Variants in ZFR observed in about 807,000 individuals in gnomAD.
ZFR encodes zinc finger RNA-binding protein.
ZFR carries 19 observed loss-of-function variants against 130.7 expected under a neutral mutation model. That is an observed-to-expected ratio of 0.15 (90% CI 0.10 to 0.21). The LOEUF (loss-of-function observed/expected upper bound fraction) is 0.21. ZFR is among the 10% of genes least tolerant of loss of function. The pLI is 1.00. For missense variants in ZFR, 872 were observed against 1,321.5 expected, an observed-to-expected ratio of 0.66 and a Z score of 5.27; for synonymous variants, 466 against 456.9, an observed-to-expected ratio of 1.02 and a Z score of -0.25.
At chr5:32,432,342 A>G (rs1170633755) in intron 2 of ZFR, among the ~76,000 whole-genome samples, 1 of 152,144 alleles carries the variant, frequency 6.6e-6, no homozygotes, top group Non-Finnish European at 1.5e-5. Context: ...AATGTAGGTA[A>G]TAGCTCACTA....
chr5:32,431,464 T>C (rs900574033), intron 2 of ZFR, among the ~76,000 whole-genome samples: 1 of 152,218 alleles, frequency 6.6e-6, no homozygotes, highest in African/African-American at 2.4e-5. Flanking sequence ...TCTGCAGTTA[T>C]AAAGAATGAA....
intron 6 of ZFR, among the ~76,000 whole-genome samples, chr5:32,405,800 A>G (rs1423808331): frequency 6.6e-6 from 1 of 152,126 alleles, no homozygotes; most frequent in African/African-American, 2.4e-5. Flanking sequence ...TTCCTGCCAT[A>G]CTCAAAACAG....
In ZFR at chr5:32,355,908, A is replaced by G. The variant is rs1240511904; in HGVS notation, c.3077T>C (p.Ile1026Thr). 1.9e-6 allele frequency: 3 copies of G among 1,596,458 alleles called. No homozygotes were observed. The highest frequency in any genetic ancestry group is 1.7e-6 in the Non-Finnish European group (2 of 1,174,832). ...FALRLLAFRQ[I>T]HKVLGMDPLP... ...TGGATCCATGCCTAGAACTTTGTGT[A>G]TCTGGCGGAATGCAAGGAGTCTCAA... Residue 1026 changes from isoleucine (I) to threonine (T), a missense_variant, in exon 20 of 20, where the codon ATA (isoleucine) becomes ACA (threonine). Ile to Thr is a moderately conservative substitution (Grantham distance 89). This residue lies in a region of ZFR where 158 missense variants were observed against 264.0 expected (regional missense o/e 0.60). Coordinates refer to ENST00000265069, the MANE Select transcript of ZFR (RefSeq NM_016107.5).
Position 32,400,586 on chromosome 5 carries a change from G to A in ZFR, c.1517-383C>T, listed in dbSNP as rs183307258. 7.9e-5 allele frequency among the ~76,000 whole-genome samples: 12 copies of A among 152,298 alleles called. No homozygotes were observed. In the East Asian group the frequency reaches 1.9e-3, roughly 25 times the overall value. On this transcript the variant is annotated intron_variant, in intron 8 of 19. Transcript: ENST00000265069. ...CTTCCAGTTGGGTGTGATGGCTTATGCCCTATGATCCCAGCACTGTGGGAG... is the reference window on the plus strand; with the variant it reads ...CTTCCAGTTGGGTGTGATGGCTTATACCCTATGATCCCAGCACTGTGGGAG...
At chr5:32,403,676 C>T (rs1010343400) in intron 7 of ZFR, among the ~76,000 whole-genome samples, 3 of 152,068 alleles carry the variant, frequency 2.0e-5, no homozygotes, top group African/African-American at 7.2e-5. Context: ...CATGACAATT[C>T]CCAGTTAGTG....
chr5:32,381,566 T>C (rs780421269), intron 15 of ZFR, among the ~76,000 whole-genome samples: 7 of 152,166 alleles, frequency 4.6e-5, no homozygotes, highest in African/African-American at 7.2e-5. Context: ...AAAAGTTAAT[T>C]ATCTTAAGAG....
At chr5:32,397,725 G>A (rs1277703905) in intron 9 of ZFR, among the ~76,000 whole-genome samples, 2 of 152,112 alleles carry the variant, frequency 1.3e-5, no homozygotes, top group Admixed American at 6.6e-5. Flanking sequence ...AAAGTGCTGG[G>A]ATTACAGGCA....
chr5:32,398,710 A>AATC (rs1380285506), intron 9 of ZFR, among the ~76,000 whole-genome samples: 1 of 152,044 alleles, frequency 6.6e-6, no homozygotes, highest in African/African-American at 2.4e-5. Flanking sequence ...TTTGTGAGAC[A>AATC]GAGTCTCACT....
intron 15 of ZFR, 136 bp from the exon 16 acceptor site, chr5:32,380,308 T>G: frequency 1.9e-6 from 1 of 538,744 alleles, no homozygotes; most frequent in Non-Finnish European, 3.4e-6. Flanking sequence ...TCCACGGAGT[T>G]ATTTTCAATA....
intron 2 of ZFR, among the ~76,000 whole-genome samples, chr5:32,436,274 G>A (rs865942581): frequency 2.8e-5 from 4 of 143,634 alleles, no homozygotes; most frequent in African/African-American, 1.0e-4. Flanking sequence ...TCGGCCTCCC[G>A]AGTAGCTGGG....
intron 6 of ZFR, among the ~76,000 whole-genome samples, chr5:32,406,483 C>T (rs79922789): frequency 0.034 from 5,208 of 152,138 alleles, 110 homozygotes; most frequent in Middle Eastern, 0.075. Flanking sequence ...TTACCCAAGT[C>T]GCAATTAATT....
At chr5:32,399,948 C>T (rs1357707040) in intron 9 of ZFR, 59 bp downstream of exon 9, 4 of 1,416,948 alleles carry the variant, frequency 2.8e-6, no homozygotes, top group South Asian at 1.4e-5. Context: ...AACATATGCT[C>T]GTAATGCACT....
intron 12 of ZFR, among the ~76,000 whole-genome samples, chr5:32,389,031 G>C (rs1455488943): frequency 6.6e-6 from 1 of 152,234 alleles, no homozygotes; most frequent in Non-Finnish European, 1.5e-5. Context: ...TCTGAGCAAA[G>C]ATAAATGAGA....
rs540076705 is a variant in ZFR, at chr5:32,403,751, T to C, written c.1224+155A>G. Among the ~76,000 whole-genome samples, 5 of 152,352 alleles carry C rather than the reference T, an allele frequency of 3.3e-5. No individual in the cohort carries two copies. In the South Asian group the frequency reaches 6.2e-4, roughly 19 times the overall value. On this transcript the variant is annotated intron_variant, in intron 7 of 19. Transcript: ENST00000265069. ...TCTTTCCCTCTTTTAGCAATGATTA[T>C]TTGATGTCACCTTTATGTATTATTA...
At position 32,427,612 on chromosome 5, in the gene ZFR, A is replaced by AT. The variant is rs879277147; in HGVS notation, c.138-7510dup. ...TGAAATTCCTATAAAAATCCCAGTG[A>AT]TTTTTTTTTGCCAGAAAAGAAATCT... On this transcript the variant is annotated intron_variant, in intron 2 of 19. Coordinates refer to ENST00000265069, the MANE Select transcript of ZFR (RefSeq NM_016107.5). 6.1e-4 allele frequency among the ~76,000 whole-genome samples: 92 copies of AT among 151,164 alleles called. No individual in the cohort carries two copies. The South Asian group carries it at 0.013, about 21-fold the overall frequency.
chr5:32,407,658 T>C (rs573719377), intron 5 of ZFR, among the ~76,000 whole-genome samples: 20 of 152,106 alleles, frequency 1.3e-4, no homozygotes, highest in Middle Eastern at 6.8e-3. Context: ...CAGATGAAAA[T>C]ATAGAACAAC....
At chr5:32,403,822 G>C in intron 7 of ZFR, 84 bp downstream of exon 7, 7 of 1,356,560 alleles carry the variant, frequency 5.2e-6, no homozygotes, top group Non-Finnish European at 6.9e-6. Context: ...TTCGAACTTT[G>C]AAGTTACCTT....
chr5:32,425,269 C>T (rs1467242067), intron 2 of ZFR, among the ~76,000 whole-genome samples: 1 of 152,116 alleles, frequency 6.6e-6, no homozygotes, highest in African/African-American at 2.4e-5. Context: ...CCAGGGACTC[C>T]CCTAAGGGTT....
intron 12 of ZFR, 51 bp downstream of exon 12, chr5:32,390,224 T>A (rs1248951749): frequency 6.3e-7 from 1 of 1,580,150 alleles, no homozygotes; most frequent in East Asian, 2.3e-5. Flanking sequence ...TTTCTTCTAA[T>A]GCTGAACCAG....
Sources: allele counts gnomAD v4.1 joint callset (sites outside exome capture counted in the v4.1 genomes callset), GRCh38; gene constraint gnomAD v4.1.1; regional missense constraint gnomAD v4.1.1; transcripts MANE v1.5; gene names NCBI Gene and HGNC (gene_info 2026-07-23, HGNC 2026-07-21).